The following GNAI1 variants were observed in gnomAD, a reference collection of about 807,000 sequenced individuals.
GNAI1 encodes guanine nucleotide-binding protein G(i) subunit alpha-1.
Under a neutral mutation model 38.9 loss-of-function variants are expected in GNAI1, and 11 were observed. The observed-to-expected ratio is 0.28, with a 90% CI of 0.18 to 0.47. GNAI1 has a LOEUF of 0.47. Among genes scored for constraint, GNAI1 ranks in the 20% least tolerant of loss-of-function variants. The pLI, the probability that GNAI1 is intolerant of heterozygous loss-of-function variation, is 0.99. For synonymous variants in GNAI1, 166 were observed against 145.1 expected (o/e 1.14, Z -1.04); for missense variants, 317 against 436.9 (o/e 0.73, Z 2.45).
chr7:80,178,727 T>C (rs1788238496), intron 1 of GNAI1, among the ~76,000 whole-genome samples: 1 of 152,228 alleles, frequency 6.6e-6, no homozygotes, highest in South Asian at 2.1e-4. Context: ...AACCAAAAAA[T>C]TGATATGAAT....
intron 3 of GNAI1, among the ~76,000 whole-genome samples, chr7:80,190,872 A>T (rs1788468272): frequency 1.3e-5 from 2 of 152,056 alleles, no homozygotes; most frequent in South Asian, 4.1e-4. Context: ...CTCTCAAGGA[A>T]TGTTGTCGTT....
intron 1 of GNAI1, among the ~76,000 whole-genome samples, chr7:80,181,919 T>C (rs1363578612): frequency 1.3e-5 from 2 of 152,178 alleles, no homozygotes; most frequent in Non-Finnish European, 1.5e-5. Flanking sequence ...TTAGTAGTTT[T>C]CAAGTATACA....
chr7:80,212,887 G>A lies in GNAI1; in HGVS notation c.874+18G>A, dbSNP rs756659822. ...ATATGCAGGTATTTTCCTTTTCTGGGAATAACTTGTCAAGTTACATATTTC... is the reference window on the plus strand; with the variant it reads ...ATATGCAGGTATTTTCCTTTTCTGGAAATAACTTGTCAAGTTACATATTTC... On this transcript the variant is annotated intron_variant, in intron 7 of 7. Transcript: ENST00000649796. 4 of 1,504,582 alleles carry A rather than the reference G, an allele frequency of 2.7e-6. No homozygotes were observed. In the East Asian group the frequency reaches 9.6e-5, roughly 36 times the overall value. The allele number at this position is 1,504,582 out of a possible 1,614,324, so 93.2% of individuals were successfully genotyped here.
rs573864617 is a variant in GNAI1 at position 80,191,264 on chromosome 7, G to A, written c.303+2033G>A. Among the ~76,000 whole-genome samples, 11 of 152,094 alleles carry A rather than the reference G, an allele frequency of 7.2e-5. No homozygotes were observed. The South Asian group carries it at 2.1e-3, about 29-fold the overall frequency. On this transcript the variant is annotated intron_variant, in intron 3 of 7. Transcript: ENST00000649796. ...CAGTTGTGCTAAGGAATACAAAGACGAATTAAACGTGGCCTGGACACGAGG... is the reference window on the plus strand; with the variant it reads ...CAGTTGTGCTAAGGAATACAAAGACAAATTAAACGTGGCCTGGACACGAGG...
At position 80,219,218 on chromosome 7, in the gene GNAI1, G is replaced by A. The variant is rs996386675; in HGVS notation, c.*1725G>A. On this transcript the variant is annotated 3_prime_UTR_variant, in exon 8 of 8. Transcript: ENST00000649796. ...TTTCATTAATTTTACTGGTGGACCTGTAATATCCACATTGTGAAGCTGTGT... is the reference window on the plus strand; with the variant it reads ...TTTCATTAATTTTACTGGTGGACCTATAATATCCACATTGTGAAGCTGTGT... 6.6e-6 allele frequency: 1 copy of A among 152,450 alleles called. No individual in the cohort carries two copies. The highest frequency in any genetic ancestry group is 2.4e-5 in the African/African-American group (1 of 41,408). 9.4% of individuals were successfully genotyped at this position (152,450 alleles called of 1,614,324 possible). A position where few individuals can be genotyped will look rare whatever the true frequency, so the allele number is the denominator to read the frequency against.
intron 1 of GNAI1, among the ~76,000 whole-genome samples, chr7:80,140,336 T>C (rs977599223): frequency 3.3e-5 from 5 of 152,204 alleles, no homozygotes; most frequent in Non-Finnish European, 5.9e-5. Flanking sequence ...GTCTCAGTGA[T>C]AGGAAACATG....
intron 1 of GNAI1, among the ~76,000 whole-genome samples, chr7:80,168,468 A>G (rs1390326941): frequency 6.6e-6 from 1 of 152,038 alleles, no homozygotes; most frequent in African/African-American, 2.4e-5. Flanking sequence ...GCTCACTGCA[A>G]GCTCCGCCTC....
chr7:80,190,495 G>C (rs566669231), intron 3 of GNAI1, among the ~76,000 whole-genome samples: 1 of 152,012 alleles, frequency 6.6e-6, no homozygotes, highest in Non-Finnish European at 1.5e-5. Context: ...AAGCATTCTT[G>C]AGATGATCAA....
At chr7:80,190,766 T>C (rs758868490) in intron 3 of GNAI1, among the ~76,000 whole-genome samples, 1 of 152,174 alleles carries the variant, frequency 6.6e-6, no homozygotes, top group Non-Finnish European at 1.5e-5. Context: ...TTTTATGTGC[T>C]TACGAAAGAA....
intron 4 of GNAI1, among the ~76,000 whole-genome samples, chr7:80,201,092 T>C (rs1281660330): frequency 6.6e-6 from 1 of 152,218 alleles, no homozygotes; most frequent in Non-Finnish European, 1.5e-5. Context: ...CATCACCCAA[T>C]ATGATCTTGT....
chr7:80,207,243 T>A (rs1293710337), intron 5 of GNAI1, among the ~76,000 whole-genome samples: 2 of 152,188 alleles, frequency 1.3e-5, no homozygotes, highest in Admixed American at 1.3e-4. Flanking sequence ...AAATCGATTA[T>A]TTGGTACTTA....
intron 1 of GNAI1, among the ~76,000 whole-genome samples, chr7:80,176,674 G>A (rs1490527790): frequency 6.6e-6 from 1 of 151,988 alleles, no homozygotes; most frequent in Non-Finnish European, 1.5e-5. Context: ...GGTGGCTCAC[G>A]CCTGTAATGC....
In GNAI1 at chr7:80,218,809, C is replaced by T. The variant is rs921955802; in HGVS notation, c.*1316C>T. The T allele has an allele frequency of 6.6e-6, 1 of 151,990 alleles. No individual in the cohort carries two copies. The highest frequency in any genetic ancestry group is 2.4e-5 in the African/African-American group (1 of 41,384). The allele number at this position is 151,990 out of a possible 1,614,324, so 9.4% of individuals were successfully genotyped here. On this transcript the variant is annotated 3_prime_UTR_variant, in exon 8 of 8. Transcript: ENST00000649796. ...ATAAGTCAGTGATTATATGTGTGCTCAAATAAGTGTTATGTATCAGCTAGA... is the reference window on the plus strand; with the variant it reads ...ATAAGTCAGTGATTATATGTGTGCTTAAATAAGTGTTATGTATCAGCTAGA...
chr7:80,180,316 TTATAAAGTG>T (rs1013966851), intron 1 of GNAI1, among the ~76,000 whole-genome samples: 1 of 88,130 alleles, frequency 1.1e-5, no homozygotes, highest in African/African-American at 4.2e-5. Context: ...CAGAACATTC[TTATAAAGTG>T]TGTGTGTGTG....
chr7:80,163,160 C>T (rs1211692258), intron 1 of GNAI1, among the ~76,000 whole-genome samples: 1 of 152,098 alleles, frequency 6.6e-6, no homozygotes, highest in African/African-American at 2.4e-5. Flanking sequence ...TTTTATATAG[C>T]ATCTGAAGGT....
At chr7:80,211,234 ATATAC>A in intron 6 of GNAI1, 136 bp downstream of exon 6, 1 of 698,138 alleles carries the variant, frequency 1.4e-6, no homozygotes, top group Non-Finnish European at 2.3e-6. Flanking sequence ...TAAAAGAGAG[ATATAC>A]TAGAGAAGCA....
intron 1 of GNAI1, among the ~76,000 whole-genome samples, chr7:80,169,751 C>T (rs894605153): frequency 6.6e-6 from 1 of 152,124 alleles, no homozygotes; most frequent in Non-Finnish European, 1.5e-5. Context: ...GGCATAATGT[C>T]GTGCAGCCAT....
At chr7:80,140,554 C>A (rs1584001014) in intron 1 of GNAI1, among the ~76,000 whole-genome samples, 1 of 152,112 alleles carries the variant, frequency 6.6e-6, no homozygotes, top group South Asian at 2.1e-4. Flanking sequence ...GTCACATGTT[C>A]TGGCATGCAG....
chr7:80,173,817 T>A (rs1008945349), intron 1 of GNAI1, among the ~76,000 whole-genome samples: 2 of 152,152 alleles, frequency 1.3e-5, no homozygotes, highest in African/African-American at 4.8e-5. Context: ...TTTTACTAAG[T>A]CTTGGTCGTC....
Sources: gnomAD v4.1 joint callset for allele counts (sites outside exome capture counted in the v4.1 genomes callset) on GRCh38, gnomAD v4.1.1 for gene constraint, MANE v1.5 for transcripts, NCBI Gene and HGNC (gene_info 2026-07-23, HGNC 2026-07-21) for gene names.